PPFIBP1: variants seen among roughly 807,000 people sequenced by gnomAD.
PPFIBP1 encodes PPFIB scaffold protein 1.
A neutral mutation model predicts 137.8 loss-of-function variants in PPFIBP1; 112 were observed. The observed-to-expected ratio is 0.81, with a 90% CI of 0.70 to 0.95. The LOEUF is 0.95. Ranked by LOEUF, PPFIBP1 falls within the 40% of genes least tolerant of loss-of-function variation. The pLI is 0.00. For synonymous variants in PPFIBP1, 378 were observed against 417.3 expected (o/e 0.91, Z 1.15); for missense variants, 1,083 against 1,196.6 (o/e 0.91, Z 1.40).
At chr12:27,536,556 G>T (rs1234433998) in intron 1 of PPFIBP1, among the ~76,000 whole-genome samples, 2 of 152,004 alleles carry the variant, frequency 1.3e-5, no homozygotes, top group Admixed American at 6.6e-5. Flanking sequence ...TTCACCAAGG[G>T]GAATGGCGCT....
intron 2 of PPFIBP1, among the ~76,000 whole-genome samples, chr12:27,586,975 A>G (rs1348878165): frequency 6.6e-6 from 1 of 152,262 alleles, no homozygotes; most frequent in African/African-American, 2.4e-5. Context: ...CAAAAATTTC[A>G]AACGGCAGAG....
chr12:27,538,222 T>A (rs1945265793), intron 1 of PPFIBP1: 1 of 152,206 alleles, frequency 6.6e-6, no homozygotes, highest in Non-Finnish European at 1.5e-5. Context: ...CCAGACCCAC[T>A]TAAAAGCAGT....
chr12:27,532,252 C>T (rs114793626), intron 1 of PPFIBP1, among the ~76,000 whole-genome samples: 1 of 152,276 alleles, frequency 6.6e-6, no homozygotes, highest in African/African-American at 2.4e-5. Flanking sequence ...AAAGAGATGG[C>T]ACACCTTATT....
At position 27,586,913 on chromosome 12, in the gene PPFIBP1, T is replaced by A. The variant is rs115085921; in HGVS notation, c.-36+8674T>A. Among the ~76,000 whole-genome samples the A allele has an allele frequency of 2.9e-3, 440 of 152,262 alleles. 2 individuals carry two copies. Among genetic ancestry groups the A allele is most frequent in the African/African-American group, 1.0e-2 (414 of 41,538 alleles). On this transcript the variant is annotated intron_variant, in intron 2 of 29. Transcript: ENST00000228425. The stretch of plus-strand genomic sequence containing the variant: ...CTTGATTTGTGAGAAACAAAAAATT[T>A]AAAAGATGGTATTTTGAAGGTAGAA...
At chr12:27,674,848 TG>T (rs1199535429) in intron 17 of PPFIBP1, among the ~76,000 whole-genome samples, 1 of 139,740 alleles carries the variant, frequency 7.2e-6, no homozygotes, top group Non-Finnish European at 1.5e-5. Context: ...GGTATCACTT[TG>T]TCGTCCAGGC....
At chr12:27,565,683 T>C (rs2049586509) in intron 1 of PPFIBP1, among the ~76,000 whole-genome samples, 1 of 152,228 alleles carries the variant, frequency 6.6e-6, no homozygotes, top group African/African-American at 2.4e-5. Flanking sequence ...CGTTCTTTCA[T>C]ACTGAGTTTA....
chr12:27,613,170 T>G (rs2055345287), intron 2 of PPFIBP1, among the ~76,000 whole-genome samples: 1 of 152,238 alleles, frequency 6.6e-6, no homozygotes, highest in Non-Finnish European at 1.5e-5. Flanking sequence ...CTGATTGCCA[T>G]GCCTGGCTTC....
intron 19 of PPFIBP1, among the ~76,000 whole-genome samples, chr12:27,678,315 C>A (rs565388155): frequency 1.3e-5 from 2 of 152,272 alleles, no homozygotes; most frequent in African/African-American, 2.4e-5. Flanking sequence ...GGATGTGATT[C>A]TTTTAAGGTA....
At chr12:27,624,970 A>C (rs2138696649) in intron 2 of PPFIBP1, among the ~76,000 whole-genome samples, 1 of 152,330 alleles carries the variant, frequency 6.6e-6, no homozygotes, top group Non-Finnish European at 1.5e-5. Context: ...AAATATATAA[A>C]AATATAGATA....
intron 2 of PPFIBP1, among the ~76,000 whole-genome samples, chr12:27,598,844 A>T (rs527967467): frequency 7.0e-4 from 106 of 152,316 alleles, no homozygotes; most frequent in Non-Finnish European, 1.2e-3. Context: ...GGCCTTAATT[A>T]GACTTGCAGG....
intron 2 of PPFIBP1, among the ~76,000 whole-genome samples, chr12:27,583,541 T>G (rs1379626505): frequency 6.6e-6 from 1 of 152,202 alleles, no homozygotes; most frequent in Non-Finnish European, 1.5e-5. Flanking sequence ...TGGTCTATAT[T>G]GGTCCTTCCT....
rs1470102885 is a variant in PPFIBP1 at position 27,540,686 on chromosome 12, A to G, written c.-124+16321A>G. 5.9e-5 allele frequency among the ~76,000 whole-genome samples: 9 copies of G among 152,326 alleles called. No homozygotes were observed. The East Asian group carries it at 1.7e-3, about 29-fold the overall frequency. On this transcript the variant is annotated intron_variant, in intron 1 of 29. Coordinates refer to ENST00000228425, the MANE Select transcript of PPFIBP1 (RefSeq NM_003622.4). ...TGTCAGCTGCCCCAAAGCTTCTACT[A>G]ATTTTTGCTCCTGTTAGCACAGTGA...
intron 9 of PPFIBP1, among the ~76,000 whole-genome samples, chr12:27,658,139 A>G (rs2059328892): frequency 1.9e-4 from 1 of 5,362 alleles, no homozygotes; most frequent in Admixed American, 2.0e-3. Flanking sequence ...CCTGTCTCTG[A>G]AAAAAAAAAA....
intron 1 of PPFIBP1, among the ~76,000 whole-genome samples, chr12:27,559,428 A>G (rs1005725991): frequency 3.3e-5 from 5 of 152,106 alleles, no homozygotes; most frequent in Non-Finnish European, 5.9e-5. Flanking sequence ...CGGCCTCCCA[A>G]AGTGCTGGGA....
intron 1 of PPFIBP1, among the ~76,000 whole-genome samples, chr12:27,531,642 A>G (rs1944444795): frequency 6.6e-6 from 1 of 152,130 alleles, no homozygotes; most frequent in Non-Finnish European, 1.5e-5. Flanking sequence ...TATTCAGCAC[A>G]TGGAAGATCT....
At chr12:27,691,671 A>T in intron 27 of PPFIBP1, 78 bp from the exon 28 acceptor site, 1 of 1,256,574 alleles carries the variant, frequency 8.0e-7, no homozygotes, top group Non-Finnish European at 1.1e-6. Flanking sequence ...ACGCAAAAAA[A>T]AATCACATGT....
intron 27 of PPFIBP1, 57 bp downstream of exon 27, chr12:27,689,260 G>A (rs2061376368): frequency 4.1e-6 from 6 of 1,459,040 alleles, no homozygotes; most frequent in South Asian, 1.4e-5. Flanking sequence ...ACGTTTTGTC[G>A]GTTACCTGGT....
chr12:27,647,716 G>A lies in PPFIBP1; in HGVS notation c.358-13G>A. The A allele has an allele frequency of 6.5e-7, 1 of 1,544,874 alleles. No individual in the cohort carries two copies. Among genetic ancestry groups the A allele is most frequent in the Middle Eastern group, 1.7e-4 (1 of 5,814 alleles). On this transcript the variant is annotated splice_polypyrimidine_tract_variant and intron_variant, in intron 5 of 29. Transcript: ENST00000228425. ...TCTTTTTCACTCATTGCATTATTTT[G>A]CTCTAAATACAGGTAAGTGTGTTAA... is the stretch of plus-strand genomic sequence containing the variant.
intron 1 of PPFIBP1, among the ~76,000 whole-genome samples, chr12:27,540,792 G>A (rs984107857): frequency 1.4e-4 from 21 of 152,094 alleles, no homozygotes; most frequent in Admixed American, 1.2e-3. Flanking sequence ...TGATATTATT[G>A]AGCTAAATCA....
Sources: gnomAD v4.1 joint callset for allele counts (sites outside exome capture counted in the v4.1 genomes callset) on GRCh38, gnomAD v4.1.1 for gene constraint, MANE v1.5 for transcripts, NCBI Gene and HGNC (gene_info 2026-07-23, HGNC 2026-07-21) for gene names.